CYP39A1: variants seen among roughly 807,000 people sequenced by gnomAD.
CYP39A1 encodes the protein cytochrome P450 family 39 subfamily A member 1.
In CYP39A1, 49 loss-of-function variants were observed where a neutral mutation model predicts 58.1. The observed-to-expected ratio is 0.84, with a 90% CI of 0.67 to 1.07. The LOEUF is 1.07. Among genes scored for constraint, CYP39A1 ranks in the 50% least tolerant of loss-of-function variants. CYP39A1 has a pLI of 0.00. For missense variants in CYP39A1, 531 were observed against 539.4 expected (o/e 0.98, Z 0.16); for synonymous variants, 209 against 187.6 (o/e 1.11, Z -0.93).
intron 7 of CYP39A1, among the ~76,000 whole-genome samples, chr6:46,617,461 T>C (rs1436078477): frequency 6.6e-6 from 1 of 152,092 alleles, no homozygotes; most frequent in Admixed American, 6.6e-5. Context: ...GGGGTATGAA[T>C]GTTACTCCAG....
chr6:46,575,899 T>C (rs1307407399), intron 10 of CYP39A1, among the ~76,000 whole-genome samples: 1 of 152,166 alleles, frequency 6.6e-6, no homozygotes, highest in Admixed American at 6.5e-5. Flanking sequence ...CTCAAGGGCA[T>C]TGTATTAGTC....
In CYP39A1 at chr6:46,588,033, C is replaced by T; in HGVS notation, c.1161+1G>A. 1 of 1,529,488 alleles carries T rather than the reference C, an allele frequency of 6.5e-7. No homozygotes were observed. Among genetic ancestry groups the T allele is most frequent in the Non-Finnish European group, 8.9e-7 (1 of 1,121,652 alleles). The allele number at this position is 1,529,488 out of a possible 1,614,324, so 94.7% of individuals were successfully genotyped here. On this transcript the variant is annotated splice_donor_variant, in intron 9 of 11. Transcript: ENST00000275016. LOFTEE classifies it high-confidence loss of function. ...AATATATACTGAAAGAGATAACTTA[C>T]AGGTTTGAACAATTCAGGCTCAGGA...
intron 2 of CYP39A1, 150 bp from the exon 3 acceptor site, chr6:46,639,818 A>G: frequency 1.5e-6 from 1 of 647,264 alleles, no homozygotes; most frequent in South Asian, 2.1e-5. Flanking sequence ...GTAGATAAAG[A>G]TTCAACCTAT....
intron 10 of CYP39A1, among the ~76,000 whole-genome samples, chr6:46,568,949 A>T (rs1230833467): frequency 1.3e-5 from 2 of 151,964 alleles, no homozygotes; most frequent in East Asian, 1.9e-4. Flanking sequence ...TTGCGATTAC[A>T]TTGAATCTGC....
Position 46,630,952 on chromosome 6 carries a change from A to C in CYP39A1, c.840+11T>G. ...AGAGCAACGTAACTCATACTTTACT[A>C]ATATACTTACAGGAACAGCATTAGA... is the stretch of plus-strand genomic sequence containing the variant. On this transcript the variant is annotated intron_variant, in intron 6 of 11. Transcript: ENST00000275016. 1 of 1,587,070 alleles carries C rather than the reference A, an allele frequency of 6.3e-7. No homozygotes were observed. Among genetic ancestry groups the C allele is most frequent in the Non-Finnish European group, 8.6e-7 (1 of 1,156,742 alleles).
chr6:46,627,661 G>A (rs1582433491), intron 6 of CYP39A1, among the ~76,000 whole-genome samples: 1 of 151,716 alleles, frequency 6.6e-6, no homozygotes, highest in African/African-American at 2.4e-5. Flanking sequence ...CTTGTGATCC[G>A]CCCGCCTCAG....
At chr6:46,631,197 T>C (rs1775640894) in intron 5 of CYP39A1, 127 bp from the exon 6 acceptor site, 3 of 758,250 alleles carry the variant, frequency 4.0e-6, no homozygotes, top group Non-Finnish European at 6.6e-6. Flanking sequence ...GGTTTTGCAG[T>C]TTGAGGCATG....
intron 7 of CYP39A1, among the ~76,000 whole-genome samples, chr6:46,598,837 G>A (rs149918226): frequency 1.6e-4 from 25 of 152,214 alleles, no homozygotes; most frequent in African/African-American, 5.8e-4. Flanking sequence ...TTTTGAATTA[G>A]TTTATGAATG....
chr6:46,626,884 G>GA (rs1160496699), intron 6 of CYP39A1, among the ~76,000 whole-genome samples: 1 of 151,920 alleles, frequency 6.6e-6, no homozygotes, highest in Non-Finnish European at 1.5e-5. Context: ...TCATGTTGGG[G>GA]AAAAAAATAG....
chr6:46,571,276 A>G (rs1771572895), intron 10 of CYP39A1, among the ~76,000 whole-genome samples: 1 of 152,000 alleles, frequency 6.6e-6, no homozygotes, highest in African/African-American at 2.4e-5. Context: ...ATGTTTCCTT[A>G]TTGATTTTCT....
chr6:46,600,964 C>T (rs1428293847), intron 7 of CYP39A1, among the ~76,000 whole-genome samples: 1 of 152,112 alleles, frequency 6.6e-6, no homozygotes, highest in Non-Finnish European at 1.5e-5. Flanking sequence ...TTTCAATGGG[C>T]ATCTGAAGTT....
At chr6:46,576,252 A>C (rs1383136535) in intron 10 of CYP39A1, among the ~76,000 whole-genome samples, 5 of 152,194 alleles carry the variant, frequency 3.3e-5, no homozygotes, top group Non-Finnish European at 7.3e-5. Flanking sequence ...ATCACCTCCC[A>C]CCAGGACCCG....
chr6:46,599,661 C>G (rs1172021000), intron 7 of CYP39A1, among the ~76,000 whole-genome samples: 9 of 152,170 alleles, frequency 5.9e-5, no homozygotes, highest in Admixed American at 4.6e-4. Context: ...CTCTTCTCTT[C>G]TCTACATTAT....
chr6:46,627,091 G>T (rs1169146598), intron 6 of CYP39A1, among the ~76,000 whole-genome samples: 2 of 152,000 alleles, frequency 1.3e-5, no homozygotes, highest in African/African-American at 4.8e-5. Context: ...GAAGGGGGTG[G>T]GGAAAATGGC....
chr6:46,651,012 TG>T (rs1463287332), intron 1 of CYP39A1, among the ~76,000 whole-genome samples: 2 of 152,232 alleles, frequency 1.3e-5, no homozygotes, highest in African/African-American at 4.8e-5. Context: ...CAAAGAATTA[TG>T]GTATTCAGTA....
intron 10 of CYP39A1, among the ~76,000 whole-genome samples, chr6:46,581,322 G>A (rs931518346): frequency 9.2e-5 from 14 of 151,680 alleles, no homozygotes; most frequent in African/African-American, 3.1e-4. Flanking sequence ...GAGGCAGGAG[G>A]ATGCTTGAGC....
chr6:46,604,860 A>G (rs1773739384), intron 7 of CYP39A1, among the ~76,000 whole-genome samples: 1 of 152,202 alleles, frequency 6.6e-6, no homozygotes, highest in South Asian at 2.1e-4. Context: ...ACTATTAGAC[A>G]TCAATTTAAA....
chr6:46,615,578 C>T (rs1774482951), intron 7 of CYP39A1, among the ~76,000 whole-genome samples: 1 of 152,082 alleles, frequency 6.6e-6, no homozygotes, highest in Middle Eastern at 3.2e-3. Context: ...ACCAAATGCT[C>T]ATCCTCTTTT....
chr6:46,564,776 G>GATAGCT (rs1771182815), intron 10 of CYP39A1, among the ~76,000 whole-genome samples: 1 of 152,132 alleles, frequency 6.6e-6, no homozygotes, highest in African/African-American at 2.4e-5. Flanking sequence ...AGCTATCACT[G>GATAGCT]TTGCCAGGAG....
Sources: allele counts gnomAD v4.1 joint callset (sites outside exome capture counted in the v4.1 genomes callset), GRCh38; gene constraint gnomAD v4.1.1; transcripts MANE v1.5; gene names NCBI Gene and HGNC (gene_info 2026-07-23, HGNC 2026-07-21).